Variants in PPP2R5E observed in about 807,000 individuals in gnomAD.
PPP2R5E encodes the protein protein phosphatase 2 regulatory subunit B'epsilon.
Under a neutral mutation model 65.3 loss-of-function variants are expected in PPP2R5E, and 4 were observed. The ratio of observed to expected loss-of-function variants is 0.06; its 90% confidence interval spans 0.03 to 0.14. The LOEUF is 0.14. Among genes scored for constraint, PPP2R5E ranks in the 10% least tolerant of loss-of-function variants. The probability of loss-of-function intolerance (pLI) is 1.00; values close to 1 mark genes in which losing one functional copy is unlikely to be tolerated. For missense variants in PPP2R5E, 274 were observed against 556.1 expected (o/e 0.49, Z 5.10); for synonymous variants, 183 against 187.4 (o/e 0.98, Z 0.19).
chr14:63,450,924 G>T (rs947445112), intron 3 of PPP2R5E, among the ~76,000 whole-genome samples: 1 of 152,108 alleles, frequency 6.6e-6, no homozygotes, highest in African/African-American at 2.4e-5. Flanking sequence ...ATGAGAATTA[G>T]AACTAGAGGT....
At chr14:63,512,516 T>C (rs1335400411) in intron 2 of PPP2R5E, among the ~76,000 whole-genome samples, 3 of 152,236 alleles carry the variant, frequency 2.0e-5, no homozygotes, top group Admixed American at 6.5e-5. Flanking sequence ...TAGTTGTTAC[T>C]TTCTATTAAT....
chr14:63,391,401 C>T (rs28439440), intron 10 of PPP2R5E, among the ~76,000 whole-genome samples: 34,465 of 143,212 alleles, frequency 0.24, 7,349 homozygotes, highest in African/African-American at 0.61. Flanking sequence ...TGCAGTTTTG[C>T]TTTGTTTTGT....
At chr14:63,397,724 C>CTTTTTTTT (rs750438698) in intron 5 of PPP2R5E, among the ~76,000 whole-genome samples, 1 of 138,810 alleles carries the variant, frequency 7.2e-6, no homozygotes, top group African/African-American at 2.6e-5. Flanking sequence ...ATGTGAATAA[C>CTTTTTTTT]TTTTTTTTTT....
intron 3 of PPP2R5E, among the ~76,000 whole-genome samples, chr14:63,438,376 T>A (rs1318803387): frequency 6.6e-6 from 1 of 152,210 alleles, no homozygotes; most frequent in Non-Finnish European, 1.5e-5. Context: ...CACTTGCACA[T>A]GCCACAAGCA....
At chr14:63,415,275 T>C (rs1465463903) in intron 4 of PPP2R5E, 43 bp from the exon 5 acceptor site, 1 of 1,422,762 alleles carries the variant, frequency 7.0e-7, no homozygotes, top group South Asian at 1.2e-5. Context: ...TATGACTCAC[T>C]GAGAACAGTA....
chr14:63,480,824 T>G (rs1890661248), intron 2 of PPP2R5E, among the ~76,000 whole-genome samples: 1 of 152,168 alleles, frequency 6.6e-6, no homozygotes, highest in African/African-American at 2.4e-5. Flanking sequence ...AAATTCTTCT[T>G]TTTCAGCTTC....
intron 2 of PPP2R5E, chr14:63,508,173 G>A (rs1892300824): frequency 7.1e-6 from 7 of 985,346 alleles, no homozygotes; most frequent in Non-Finnish European, 7.2e-6. Flanking sequence ...TCATTACCAA[G>A]TGTGTGCTCT....
At chr14:63,522,880 C>A (rs1234834281) in intron 2 of PPP2R5E, among the ~76,000 whole-genome samples, 8 of 147,052 alleles carry the variant, frequency 5.4e-5, no homozygotes, top group African/African-American at 1.8e-4. Flanking sequence ...GCCCCCCGCC[C>A]GGCCAGCCGC....
At chr14:63,425,180 A>T (rs768907395) in intron 3 of PPP2R5E, among the ~76,000 whole-genome samples, 2 of 152,234 alleles carry the variant, frequency 1.3e-5, no homozygotes, top group Non-Finnish European at 2.9e-5. Flanking sequence ...AAAAATGATC[A>T]TGTGAGAATA....
chr14:63,432,582 T>C (rs1887732636), intron 3 of PPP2R5E, among the ~76,000 whole-genome samples: 1 of 152,080 alleles, frequency 6.6e-6, no homozygotes, highest in Non-Finnish European at 1.5e-5. Flanking sequence ...AAAGAAAGGA[T>C]TTTGTCTTTT....
At chr14:63,491,167 G>A (rs1891268428) in intron 2 of PPP2R5E, among the ~76,000 whole-genome samples, 1 of 152,090 alleles carries the variant, frequency 6.6e-6, no homozygotes, top group African/African-American at 2.4e-5. Flanking sequence ...AAAAGTAGGA[G>A]CTAAACATTG....
chr14:63,532,783 T>G (rs770730510), intron 2 of PPP2R5E, among the ~76,000 whole-genome samples: 1 of 152,194 alleles, frequency 6.6e-6, no homozygotes, highest in Non-Finnish European at 1.5e-5. Flanking sequence ...CATGCGACAA[T>G]GTATCACGAC....
chr14:63,493,028 C>T lies in PPP2R5E; in HGVS notation c.158-39143G>A, dbSNP rs563717217. 4.6e-5 allele frequency among the ~76,000 whole-genome samples: 7 copies of T among 152,160 alleles called. No homozygotes were observed. The South Asian group carries it at 8.3e-4, about 18-fold the overall frequency. On this transcript the variant is annotated intron_variant, in intron 2 of 13. Coordinates refer to ENST00000337537, the MANE Select transcript of PPP2R5E (RefSeq NM_006246.5). Reference sequence around the variant, plus strand: ...CAACACAAAGTCAAGAGCAGCCAGCCGCTCTAGGCAAGGAATTCTGATCTA... The same window carrying T: ...CAACACAAAGTCAAGAGCAGCCAGCTGCTCTAGGCAAGGAATTCTGATCTA...
chr14:63,392,054 AT>A, intron 8 of PPP2R5E, 29 bp from the exon 9 acceptor site: 1 of 1,556,586 alleles, frequency 6.4e-7, no homozygotes, highest in Non-Finnish European at 8.7e-7. Context: ...AAAAGGCAAA[AT>A]TTTAAATTCT....
intron 5 of PPP2R5E, among the ~76,000 whole-genome samples, chr14:63,412,203 T>G (rs1056378545): frequency 2.0e-5 from 3 of 152,184 alleles, no homozygotes; most frequent in East Asian, 3.8e-4. Context: ...ACACCTGTAG[T>G]TTCAGCTACT....
chr14:63,397,812 C>T (rs2139807071), intron 5 of PPP2R5E, among the ~76,000 whole-genome samples: 1 of 151,794 alleles, frequency 6.6e-6, no homozygotes, highest in East Asian at 2.0e-4. Flanking sequence ...CAACCTCCGC[C>T]TCCTGTGTTC....
At chr14:63,427,002 T>G in intron 3 of PPP2R5E, among the ~76,000 whole-genome samples, 1 of 152,228 alleles carries the variant, frequency 6.6e-6, no homozygotes, top group East Asian at 1.9e-4. Context: ...TAAAAATGGT[T>G]AAAAACCAAG....
rs1020384968 is a variant in PPP2R5E at position 63,522,233 on chromosome 14, G to C, written c.157+17296C>G. On this transcript the variant is annotated intron_variant, in intron 2 of 13. Transcript: ENST00000337537. The stretch of plus-strand genomic sequence containing the variant: ...GGTGCCGGGATTGCAGACGGAGTCT[G>C]GTTCACTCAGTGCTCAATGTTGCCC... 6.9e-4 allele frequency among the ~76,000 whole-genome samples: 105 copies of C among 152,172 alleles called. 1 individual carries two copies. The highest frequency in any genetic ancestry group is 6.8e-3 in the Middle Eastern group (2 of 294).
chr14:63,422,029 ATCT>A lies in PPP2R5E; in HGVS notation c.417_419del (p.Glu139del). ...GCCACGATGCCTCAAGGGTAGGTTCATCTTCTTCTGGATCAAATTCATTGCTGT... is the reference window on the plus strand; with the variant it reads ...GCCACGATGCCTCAAGGGTAGGTTCATCTTCTGGATCAAATTCATTGCTGT... On this transcript the variant is annotated inframe_deletion, in exon 4 of 14. Transcript: ENST00000337537. 6.2e-7 allele frequency: 1 copy of A among 1,613,772 alleles called. No homozygotes were observed.
Sources: allele counts gnomAD v4.1 joint callset (sites outside exome capture counted in the v4.1 genomes callset), GRCh38; gene constraint gnomAD v4.1.1; transcripts MANE v1.5; gene names NCBI Gene and HGNC (gene_info 2026-07-23, HGNC 2026-07-21).